The following PCSK2 variants were observed in gnomAD, a reference collection of about 807,000 sequenced individuals.
PCSK2 encodes proprotein convertase subtilisin/kexin type 2, also known as neuroendocrine convertase 2.
In PCSK2, 14 loss-of-function variants were observed where a neutral mutation model predicts 69.7. The observed-to-expected ratio is 0.20, with a 90% CI of 0.13 to 0.31. The LOEUF is 0.31. Among genes scored for constraint, PCSK2 ranks in the 10% least tolerant of loss-of-function variants. The pLI is 1.00. For missense variants in PCSK2, 544 were observed against 842.5 expected (o/e 0.65, Z 4.39); for synonymous variants, 307 against 320.7 (o/e 0.96, Z 0.46).
chr20:17,294,564 A>C (rs1988825912), intron 2 of PCSK2, among the ~76,000 whole-genome samples: 1 of 151,898 alleles, frequency 6.6e-6, no homozygotes, highest in African/African-American at 2.4e-5. Flanking sequence ...GCCACAATCC[A>C]TTTTCCTCTG....
intron 1 of PCSK2, among the ~76,000 whole-genome samples, chr20:17,230,201 A>G (rs1449038811): frequency 1.3e-5 from 2 of 152,160 alleles, no homozygotes; most frequent in African/African-American, 4.8e-5. Context: ...TCTGATGCTT[A>G]GCATGCTTCC....
At chr20:17,399,869 A>T (rs1430822841) in intron 5 of PCSK2, among the ~76,000 whole-genome samples, 1 of 152,194 alleles carries the variant, frequency 6.6e-6, no homozygotes, top group African/African-American at 2.4e-5. Flanking sequence ...TCTTATAGAG[A>T]GTATGATTTT....
chr20:17,244,447 A>AT (rs1481935401), intron 1 of PCSK2, among the ~76,000 whole-genome samples: 1 of 152,038 alleles, frequency 6.6e-6, no homozygotes, highest in African/African-American at 2.4e-5. Flanking sequence ...TTTGAACCTC[A>AT]TTTTTCTCAT....
intron 2 of PCSK2, among the ~76,000 whole-genome samples, chr20:17,275,021 T>C (rs545629125): frequency 6.6e-6 from 1 of 151,152 alleles, no homozygotes; most frequent in Admixed American, 6.6e-5. Context: ...AGTTTTATAG[T>C]TGTATAGGAA....
intron 2 of PCSK2, among the ~76,000 whole-genome samples, chr20:17,303,510 ATATATAAT>A (rs1568593746): frequency 7.1e-5 from 3 of 42,256 alleles, no homozygotes; most frequent in African/African-American, 2.3e-4. Context: ...AATATATATT[ATATATAAT>A]ATAATATATA....
Position 17,453,591 on chromosome 20 carries a change from C to A in PCSK2, c.886-151C>A, listed in dbSNP as rs1246563425. The A allele has an allele frequency of 1.7e-6, 1 of 599,854 alleles. No homozygotes were observed. The highest frequency in any genetic ancestry group is 3.6e-5 in the Admixed American group (1 of 28,148). The allele number at this position is 599,854 out of a possible 1,614,324, so 37.2% of individuals were successfully genotyped here. On this transcript the variant is annotated intron_variant, in intron 8 of 11. Coordinates refer to ENST00000262545, the MANE Select transcript of PCSK2 (RefSeq NM_002594.5). The surrounding 1 kb of genome is among the most constrained non-coding windows in gnomAD (Gnocchi z 4.0). ...AAAAAAGTTTCCCACAATGCCCTGC[C>A]AGAAGGATATGGTGTCCAACCCAGT...
At position 17,334,124 on chromosome 20, in the gene PCSK2, G is replaced by A. The variant is rs138593951; in HGVS notation, c.283-24203G>A. On this transcript the variant is annotated intron_variant, in intron 2 of 11. Coordinates refer to ENST00000262545, the MANE Select transcript of PCSK2 (RefSeq NM_002594.5). ...CTTGTGCCTGGAATCATTTCTCCCA[G>A]CATACTCTCCAGATTGGGGATCTGA... Among the ~76,000 whole-genome samples the A allele has an allele frequency of 4.0e-5, 6 of 151,858 alleles. No individual in the cohort carries two copies. In the East Asian group the frequency reaches 1.2e-3, roughly 30 times the overall value.
At chr20:17,309,103 C>G (rs1300810244) in intron 2 of PCSK2, among the ~76,000 whole-genome samples, 1 of 152,096 alleles carries the variant, frequency 6.6e-6, no homozygotes, top group Admixed American at 6.6e-5. Flanking sequence ...CACAGTCCAC[C>G]ATAAAATTGA....
intron 2 of PCSK2, among the ~76,000 whole-genome samples, chr20:17,314,718 T>G (rs1265450896): frequency 1.3e-5 from 2 of 152,214 alleles, no homozygotes; most frequent in Non-Finnish European, 2.9e-5. Flanking sequence ...AATATTGATT[T>G]ACTTTATTGA....
At chr20:17,371,427 C>T (rs184656225) in intron 5 of PCSK2, among the ~76,000 whole-genome samples, 19 of 152,280 alleles carry the variant, frequency 1.2e-4, no homozygotes, top group Admixed American at 2.6e-4. Context: ...CATATTGAGC[C>T]GTGCCAGCTC....
intron 2 of PCSK2, among the ~76,000 whole-genome samples, chr20:17,281,272 A>T (rs955016539): frequency 2.6e-5 from 4 of 152,158 alleles, no homozygotes; most frequent in Admixed American, 2.0e-4. Flanking sequence ...ATGACCCCAT[A>T]CCTAACTTCA....
chr20:17,335,774 C>T (rs553790458), intron 2 of PCSK2, among the ~76,000 whole-genome samples: 28 of 151,384 alleles, frequency 1.8e-4, no homozygotes, highest in African/African-American at 6.1e-4. Flanking sequence ...AGTTGCTTTA[C>T]TTAGAATAAT....
intron 4 of PCSK2, among the ~76,000 whole-genome samples, chr20:17,361,500 T>A (rs1298977041): frequency 6.6e-6 from 1 of 152,232 alleles, no homozygotes; most frequent in Non-Finnish European, 1.5e-5. Context: ...CCATCACCCA[T>A]CTGGGTCTGC....
chr20:17,440,120 C>G (rs750467021), intron 8 of PCSK2, among the ~76,000 whole-genome samples: 1 of 152,230 alleles, frequency 6.6e-6, no homozygotes, highest in Admixed American at 6.5e-5. Context: ...AGTCCTGCCC[C>G]CCATTGGCTG....
chr20:17,268,671 C>T (rs568197669), intron 2 of PCSK2, among the ~76,000 whole-genome samples: 44 of 152,196 alleles, frequency 2.9e-4, no homozygotes, highest in Non-Finnish European at 4.0e-4. Context: ...AGATCATGGG[C>T]GACATGATAA....
At chr20:17,461,843 C>T (rs2033019044) in intron 10 of PCSK2, among the ~76,000 whole-genome samples, 1 of 152,166 alleles carries the variant, frequency 6.6e-6, no homozygotes, top group African/African-American at 2.4e-5. Context: ...GATGGATACC[C>T]CATTTACCCT....
chr20:17,347,008 G>T (rs1257136078), intron 2 of PCSK2, among the ~76,000 whole-genome samples: 1 of 152,108 alleles, frequency 6.6e-6, no homozygotes, highest in Non-Finnish European at 1.5e-5. Context: ...ATAGCAATTT[G>T]TTAATACTTG....
At position 17,227,627 on chromosome 20, in the gene PCSK2, G is replaced by A. The variant is rs545546943; in HGVS notation, c.177+145G>A. 3 of 628,946 alleles carry A rather than the reference G, an allele frequency of 4.8e-6. No homozygotes were observed. The East Asian group carries it at 8.2e-5, about 17-fold the overall frequency. 39.0% of individuals were successfully genotyped at this position (628,946 alleles called of 1,614,324 possible). Reference sequence around the variant, plus strand: ...GCCATGGGCTCTTTAACACGATATTGCCTCCGGTGATCTTTCACCGGTTAT... The same window carrying A: ...GCCATGGGCTCTTTAACACGATATTACCTCCGGTGATCTTTCACCGGTTAT... On this transcript the variant is annotated intron_variant, in intron 1 of 11. Transcript: ENST00000262545.
At chr20:17,320,095 G>T (rs1483863465) in intron 2 of PCSK2, among the ~76,000 whole-genome samples, 1 of 152,134 alleles carries the variant, frequency 6.6e-6, no homozygotes, top group Non-Finnish European at 1.5e-5. Flanking sequence ...AAAACCAACT[G>T]AAGCTCAAGG....
Sources: gnomAD v4.1 joint callset for allele counts (sites outside exome capture counted in the v4.1 genomes callset) on GRCh38, gnomAD v4.1.1 for gene constraint, Gnocchi (gnomAD v3.1) non-coding constraint, MANE v1.5 for transcripts, NCBI Gene and HGNC (gene_info 2026-07-23, HGNC 2026-07-21) for gene names.